AKT3: variants seen among roughly 807,000 people sequenced by gnomAD.
AKT3 encodes the protein RAC-gamma serine/threonine-protein kinase.
A neutral mutation model predicts 65.3 loss-of-function variants in AKT3; 15 were observed. The ratio of observed to expected loss-of-function variants is 0.23; its 90% CI spans 0.15 to 0.35. The LOEUF (loss-of-function observed/expected upper bound fraction) is 0.35. Among genes scored for constraint, AKT3 ranks in the 10% least tolerant of loss-of-function variants. The pLI, the probability that AKT3 is intolerant of heterozygous loss-of-function variation, is 1.00. For synonymous variants in AKT3, 206 were observed against 183.8 expected, an observed-to-expected ratio of 1.12 and a Z score of -0.98; for missense variants, 243 against 576.5, an observed-to-expected ratio of 0.42 and a Z score of 5.92.
chr1:243,758,254 G>A (rs1229045666), intron 2 of AKT3, among the ~76,000 whole-genome samples: 3 of 152,116 alleles, frequency 2.0e-5, no homozygotes, highest in East Asian at 3.9e-4. Flanking sequence ...AAAATGCTAG[G>A]AGAAAAATAT....
chr1:243,648,569 T>A (rs2147855544), intron 4 of AKT3, among the ~76,000 whole-genome samples: 1 of 152,316 alleles, frequency 6.6e-6, no homozygotes, highest in African/African-American at 2.4e-5. Flanking sequence ...ATTTCTGAAA[T>A]GAGGGTGACA....
chr1:243,686,837 T>C (rs1684361657), intron 3 of AKT3, among the ~76,000 whole-genome samples: 1 of 150,326 alleles, frequency 6.7e-6, no homozygotes, highest in South Asian at 2.1e-4. Flanking sequence ...CTAATCTTTG[T>C]ATTTTTAGTA....
chr1:243,701,717 A>C (rs890773589), intron 2 of AKT3, among the ~76,000 whole-genome samples: 5 of 151,946 alleles, frequency 3.3e-5, no homozygotes, highest in Admixed American at 3.3e-4. Flanking sequence ...ACAAACAAAA[A>C]TTCTAATTTT....
At chr1:243,709,287 A>G (rs1685999963) in intron 2 of AKT3, among the ~76,000 whole-genome samples, 1 of 150,626 alleles carries the variant, frequency 6.6e-6, no homozygotes, top group South Asian at 2.1e-4. Context: ...CCTAGCATTA[A>G]AAGAAAAAAA....
At chr1:243,488,571 A>G (rs1459629374) in intron 13 of AKT3, 1 of 219,474 alleles carries the variant, frequency 4.6e-6, no homozygotes, top group Non-Finnish European at 9.3e-6. Flanking sequence ...GGAGCTCGTG[A>G]TTGACTGAGT....
intron 6 of AKT3, among the ~76,000 whole-genome samples, chr1:243,623,290 G>T (rs1011271422): frequency 6.6e-6 from 1 of 152,166 alleles, no homozygotes; most frequent in Non-Finnish European, 1.5e-5. Context: ...CCAAGGCTCA[G>T]GTAAGCTTCT....
At chr1:243,843,658 T>A (rs571772181) in intron 1 of AKT3, 1 of 789,792 alleles carries the variant, frequency 1.3e-6, no homozygotes, top group Non-Finnish European at 1.5e-6. Flanking sequence ...AATTTTTTGT[T>A]TTTTTTTTTT....
At chr1:243,744,160 A>G (rs1688331197) in intron 2 of AKT3, among the ~76,000 whole-genome samples, 1 of 152,232 alleles carries the variant, frequency 6.6e-6, no homozygotes, top group Non-Finnish European at 1.5e-5. Context: ...TGTTAGTACA[A>G]ACAACAACAT....
chr1:243,669,484 T>C (rs1016568787), intron 3 of AKT3, among the ~76,000 whole-genome samples: 1 of 152,168 alleles, frequency 6.6e-6, no homozygotes, highest in Non-Finnish European at 1.5e-5. Flanking sequence ...ATTAAGATAA[T>C]GGACTCTGCA....
At chr1:243,565,792 A>C (rs1343368242) in intron 9 of AKT3, among the ~76,000 whole-genome samples, 1 of 152,156 alleles carries the variant, frequency 6.6e-6, no homozygotes, top group African/African-American at 2.4e-5. Flanking sequence ...ATAATGAGAA[A>C]CGTTAAGTAT....
chr1:243,728,830 G>C (rs921630875), intron 2 of AKT3, among the ~76,000 whole-genome samples: 1 of 152,242 alleles, frequency 6.6e-6, no homozygotes, highest in African/African-American at 2.4e-5. Flanking sequence ...AAAGTTATTA[G>C]AGACAAAAAG....
chr1:243,549,676 C>T lies in AKT3; in HGVS notation c.1163+3053G>A, dbSNP rs1446402323. Among the ~76,000 whole-genome samples, 6 of 151,960 alleles carry T rather than the reference C, an allele frequency of 3.9e-5. No individual in the cohort carries two copies. In the South Asian group the frequency reaches 6.2e-4, roughly 16 times the overall value. On this transcript the variant is annotated intron_variant, in intron 11 of 13. Transcript: ENST00000673466. ...CCGACCTCAAGTGACCTTCTTGCCT[C>T]GGCCTCCCAAAGTGCGGGGATTACA...
chr1:243,545,012 T>C (rs925539403), intron 12 of AKT3, among the ~76,000 whole-genome samples: 1 of 152,022 alleles, frequency 6.6e-6, no homozygotes, highest in Non-Finnish European at 1.5e-5. Flanking sequence ...AGTATTAATT[T>C]TGTGGGCAAT....
intron 9 of AKT3, among the ~76,000 whole-genome samples, chr1:243,564,847 TGAG>T (rs1341958484): frequency 6.6e-6 from 1 of 152,226 alleles, no homozygotes; most frequent in Admixed American, 6.5e-5. Flanking sequence ...AACTTTTATT[TGAG>T]GAGTAGATTC....
intron 3 of AKT3, among the ~76,000 whole-genome samples, chr1:243,689,234 A>G (rs982867253): frequency 6.6e-6 from 1 of 152,106 alleles, no homozygotes; most frequent in African/African-American, 2.4e-5. Context: ...TGATCAATCA[A>G]CACTTCGAAG....
At chr1:243,510,703 G>T (rs1337936017) in intron 13 of AKT3, among the ~76,000 whole-genome samples, 1 of 152,190 alleles carries the variant, frequency 6.6e-6, no homozygotes, top group Admixed American at 6.5e-5. Context: ...AACAGGAAGA[G>T]GTCAGAGAGG....
In AKT3 at chr1:243,781,520, T is replaced by C. The variant is rs527703665; in HGVS notation, c.46+61605A>G. ...TTTCTTAATGATTTATAGAAACACA[T>C]TGTATAAGAATATTAACCCTATTTT... On this transcript the variant is annotated intron_variant, in intron 2 of 13. Coordinates refer to ENST00000673466, the MANE Select transcript of AKT3 (RefSeq NM_005465.7). Among the ~76,000 whole-genome samples, 249 of 152,346 alleles carry C rather than the reference T, an allele frequency of 1.6e-3. 2 individuals carry two copies. Among genetic ancestry groups the C allele is most frequent in the Middle Eastern group, 6.8e-3 (2 of 294 alleles).
chr1:243,839,827 G>T (rs1420537157), intron 2 of AKT3, among the ~76,000 whole-genome samples: 1 of 147,096 alleles, frequency 6.8e-6, no homozygotes, highest in Non-Finnish European at 1.5e-5. Context: ...TCAATTTTTT[G>T]TTGTTGTTGT....
chr1:243,517,543 T>A (rs1332914396), intron 12 of AKT3, among the ~76,000 whole-genome samples: 1 of 152,240 alleles, frequency 6.6e-6, no homozygotes, highest in Admixed American at 6.5e-5. Flanking sequence ...CCTTAATTAT[T>A]ATGAAATGTT....
Sources: gnomAD v4.1 joint callset for allele counts (sites outside exome capture counted in the v4.1 genomes callset) on GRCh38, gnomAD v4.1.1 for gene constraint, MANE v1.5 for transcripts, NCBI Gene and HGNC (gene_info 2026-07-23, HGNC 2026-07-21) for gene names.